Variants in MPHOSPH8 observed in about 807,000 individuals in gnomAD.
The protein encoded by MPHOSPH8 is M-phase phosphoprotein 8.
In MPHOSPH8, 45 loss-of-function variants were observed where a neutral mutation model predicts 87.3. That is an observed-to-expected ratio of 0.52 (90% confidence interval 0.41 to 0.66). The LOEUF is 0.66. Ranked by LOEUF, MPHOSPH8 falls within the 30% of genes least tolerant of loss-of-function variation. MPHOSPH8 has a pLI of 0.00. For missense variants in MPHOSPH8, 883 were observed against 1,020.2 expected (o/e 0.87, Z 1.83); for synonymous variants, 366 against 376.9 (o/e 0.97, Z 0.33).
At chr13:19,665,882 A>G (rs918680622) in intron 9 of MPHOSPH8, among the ~76,000 whole-genome samples, 5 of 152,230 alleles carry the variant, frequency 3.3e-5, no homozygotes, top group African/African-American at 1.2e-4. Flanking sequence ...GTACATTTGC[A>G]GGTTCAGATT....
At position 19,656,847 on chromosome 13, in the gene MPHOSPH8, G is replaced by A. The variant is rs1005389941; in HGVS notation, c.1577-2148G>A. On this transcript the variant is annotated intron_variant, in intron 5 of 13. Coordinates refer to ENST00000361479, the MANE Select transcript of MPHOSPH8 (RefSeq NM_017520.4). ...GCTTAGAATATTGTTCATAAAAGAT[G>A]GGCCAGGCACGGTGGCTCACGCCTG... Among the ~76,000 whole-genome samples the A allele has an allele frequency of 6.6e-5, 10 of 151,176 alleles. 1 individual carries two copies. Among genetic ancestry groups the A allele is most frequent in the Admixed American group, 6.6e-4 (10 of 15,166 alleles).
intron 3 of MPHOSPH8, 123 bp from the exon 4 acceptor site, chr13:19,648,299 T>C (rs1378779181): frequency 4.1e-6 from 2 of 491,300 alleles, no homozygotes; most frequent in African/African-American, 2.0e-5. Flanking sequence ...TGATCAGTTA[T>C]CATGTACCAC....
In MPHOSPH8 at chr13:19,633,974, GCCC is replaced by G. The variant is rs1234955250; in HGVS notation, c.213+15_213+17del. ...GAAGACCGAGGGGGTATGTGGAGGG[GCCC>G]CGGCGCGGGGCTGGGCGGGGAGCTC... is the stretch of plus-strand genomic sequence containing the variant. On this transcript the variant is annotated intron_variant, in intron 1 of 13. Coordinates refer to ENST00000361479, the MANE Select transcript of MPHOSPH8 (RefSeq NM_017520.4). 4 of 1,599,578 alleles carry G rather than the reference GCCC, an allele frequency of 2.5e-6. No individual in the cohort carries two copies. In the African/African-American group the frequency reaches 5.3e-5, roughly 21 times the overall value.
chr13:19,671,039 T>C, intron 12 of MPHOSPH8, 167 bp from the exon 13 acceptor site: 1 of 1,408,044 alleles, frequency 7.1e-7, no homozygotes, highest in East Asian at 2.6e-5. Context: ...CAGGCTGGTC[T>C]CAAACTTCTG....
chr13:19,640,062 C>T (rs573027027), intron 1 of MPHOSPH8, among the ~76,000 whole-genome samples: 9 of 151,800 alleles, frequency 5.9e-5, no homozygotes, highest in African/African-American at 1.4e-4. Flanking sequence ...GCCAAGATCG[C>T]GCCACTACTC....
intron 5 of MPHOSPH8, among the ~76,000 whole-genome samples, chr13:19,651,203 G>A (rs931512241): frequency 6.6e-6 from 1 of 152,190 alleles, no homozygotes; most frequent in African/African-American, 2.4e-5. Context: ...AAAGATGAAA[G>A]AATTCTATGA....
At chr13:19,645,047 CCT>C (rs1874494991) in intron 2 of MPHOSPH8, among the ~76,000 whole-genome samples, 1 of 152,186 alleles carries the variant, frequency 6.6e-6, no homozygotes, top group African/African-American at 2.4e-5. Flanking sequence ...AGCAGTTTTT[CCT>C]CCTTGTGGGG....
chr13:19,650,787 T>C (rs930418381), intron 5 of MPHOSPH8, among the ~76,000 whole-genome samples: 2 of 152,178 alleles, frequency 1.3e-5, no homozygotes, highest in African/African-American at 4.8e-5. Flanking sequence ...GTTAGTCTAA[T>C]AAAACTTTGT....
chr13:19,651,630 G>T (rs1317743433), intron 5 of MPHOSPH8, among the ~76,000 whole-genome samples: 2 of 152,006 alleles, frequency 1.3e-5, no homozygotes, highest in African/African-American at 4.8e-5. Context: ...GGAGTTTGAG[G>T]CTATATTATG....
chr13:19,648,407 T>TC lies in MPHOSPH8; in HGVS notation c.1219-14dup. On this transcript the variant is annotated splice_polypyrimidine_tract_variant and intron_variant, in intron 3 of 13. Coordinates refer to ENST00000361479, the MANE Select transcript of MPHOSPH8 (RefSeq NM_017520.4). Reference sequence around the variant, plus strand: ...TCTTTATCCATTCTTGTTTTGGATATCATGTCATTTTCAGGACAAAGAAAC... The same window carrying TC: ...TCTTTATCCATTCTTGTTTTGGATATCCATGTCATTTTCAGGACAAAGAAAC... The TC allele has an allele frequency of 6.7e-7, 1 of 1,499,666 alleles. No homozygotes were observed. The highest frequency in any genetic ancestry group is 9.1e-7 in the Non-Finnish European group (1 of 1,093,280). 92.9% of individuals were successfully genotyped at this position (1,499,666 alleles called of 1,614,324 possible).
intron 2 of MPHOSPH8, among the ~76,000 whole-genome samples, chr13:19,645,472 C>T (rs563326562): frequency 6.6e-6 from 1 of 152,246 alleles, no homozygotes; most frequent in South Asian, 2.1e-4. Flanking sequence ...GCAGGGAAGA[C>T]ATTTTTAAAG....
At chr13:19,661,601 A>C (rs532444985) in intron 7 of MPHOSPH8, 97 bp from the exon 8 acceptor site, 4 of 1,312,884 alleles carry the variant, frequency 3.0e-6, no homozygotes, top group Non-Finnish European at 4.2e-6. Context: ...AGTGCCTATT[A>C]GTGATTTCAC....
intron 7 of MPHOSPH8, chr13:19,659,574 G>C (rs1005375615): frequency 2.9e-5 from 11 of 384,112 alleles, no homozygotes; most frequent in African/African-American, 2.3e-4. Flanking sequence ...TGAGGTGACA[G>C]GATCACCTGA....
At chr13:19,657,546 G>A (rs1479217982) in intron 5 of MPHOSPH8, among the ~76,000 whole-genome samples, 2 of 151,330 alleles carry the variant, frequency 1.3e-5, no homozygotes, top group Non-Finnish European at 2.9e-5. Flanking sequence ...CCAGCCTGGG[G>A]ACAGAGCAAG....
At position 19,672,780 on chromosome 13, in the gene MPHOSPH8, CTA is replaced by C; in HGVS notation, c.*907_*908del. On this transcript the variant is annotated 3_prime_UTR_variant, in exon 14 of 14. Transcript: ENST00000361479. The stretch of plus-strand genomic sequence containing the variant: ...TGTAGTAAGAATGTAAACCAGTACA[CTA>C]TGAGACCTAAAAGAGAGTATTAAAT... 4.4e-6 allele frequency: 1 copy of C among 228,040 alleles called. No individual in the cohort carries two copies. 14.1% of individuals were successfully genotyped at this position (228,040 alleles called of 1,614,324 possible).
At chr13:19,664,126 G>A (rs953235430) in intron 9 of MPHOSPH8, among the ~76,000 whole-genome samples, 1 of 152,024 alleles carries the variant, frequency 6.6e-6, no homozygotes, top group African/African-American at 2.4e-5. Flanking sequence ...CTACAGGTGC[G>A]AGCCACCACA....
At chr13:19,639,460 G>A (rs1183387847) in intron 1 of MPHOSPH8, among the ~76,000 whole-genome samples, 1 of 151,836 alleles carries the variant, frequency 6.6e-6, no homozygotes, top group Admixed American at 6.6e-5. Context: ...ACAGGCACAC[G>A]CCACCACACC....
intron 9 of MPHOSPH8, among the ~76,000 whole-genome samples, chr13:19,664,182 C>T (rs535046666): frequency 6.6e-6 from 1 of 152,258 alleles, no homozygotes; most frequent in South Asian, 2.1e-4. Flanking sequence ...CACTGTGTTG[C>T]CCAGGCTTGT....
rs371226156 is a variant in MPHOSPH8 at position 19,648,391 on chromosome 13, A to G, written c.1219-31A>G. 1.4e-5 allele frequency: 20 copies of G among 1,411,206 alleles called. No homozygotes were observed. The African/African-American group carries it at 2.4e-4, about 17-fold the overall frequency. The allele number at this position is 1,411,206 out of a possible 1,614,324, so 87.4% of individuals were successfully genotyped here. On this transcript the variant is annotated intron_variant, in intron 3 of 13. Transcript: ENST00000361479. ...AATTTACAGTGTCAACTCTTTATCC[A>G]TTCTTGTTTTGGATATCATGTCATT... is the stretch of plus-strand genomic sequence containing the variant.
Sources: allele counts gnomAD v4.1 joint callset (sites outside exome capture counted in the v4.1 genomes callset), GRCh38; gene constraint gnomAD v4.1.1; transcripts MANE v1.5; gene names NCBI Gene and HGNC (gene_info 2026-07-23, HGNC 2026-07-21).